The following RBM47 variants were observed in gnomAD, a reference collection of about 807,000 sequenced individuals.
RBM47 encodes RNA binding motif protein 47.
RBM47 carries 21 observed loss-of-function variants against 47.1 expected under a neutral mutation model. The observed-to-expected ratio is 0.45, with a 90% CI of 0.32 to 0.64. The LOEUF (loss-of-function observed/expected upper bound fraction) is 0.64. Among genes scored for constraint, RBM47 ranks in the 30% least tolerant of loss-of-function variants. The pLI is 0.05. For missense variants in RBM47, 708 were observed against 870.9 expected (o/e 0.81, Z 2.35); for synonymous variants, 375 against 361.7 (o/e 1.04, Z -0.42).
chr4:40,474,691 T>C (rs772793530), intron 2 of RBM47, among the ~76,000 whole-genome samples: 32 of 152,216 alleles, frequency 2.1e-4, no homozygotes, highest in Admixed American at 1.5e-3. Flanking sequence ...TATTACCTAA[T>C]CTCTGTTATA....
intron 3 of RBM47, among the ~76,000 whole-genome samples, chr4:40,453,374 G>T (rs1167274198): frequency 6.6e-6 from 1 of 152,108 alleles, no homozygotes; most frequent in East Asian, 1.9e-4. Flanking sequence ...CAGACTTCAG[G>T]GAATAAGCCA....
chr4:40,579,423 G>GAAAAAA (rs10653342), intron 1 of RBM47, among the ~76,000 whole-genome samples: 1,959 of 101,882 alleles, frequency 0.019, 122 homozygotes, highest in Middle Eastern at 0.043. Context: ...CCCTGTCTCA[G>GAAAAAA]AAAAAAAAAA....
At position 40,566,076 on chromosome 4, in the gene RBM47, C is replaced by CA. The variant is rs1009694378; in HGVS notation, c.-239-21571dup. 7.0e-4 allele frequency among the ~76,000 whole-genome samples: 102 copies of CA among 145,034 alleles called. 1 individual carries two copies. The highest frequency in any genetic ancestry group is 2.8e-3 in the East Asian group (14 of 4,960). Reference sequence around the variant, plus strand: ...GAGCAAGACCCTGTCTCAACAACAACAAAAAAAAAAGGAAAAAGATGGACA... The same window carrying CA: ...GAGCAAGACCCTGTCTCAACAACAACAAAAAAAAAAAGGAAAAAGATGGACA... On this transcript the variant is annotated intron_variant, in intron 1 of 6. Transcript: ENST00000295971.
chr4:40,462,011 A>G (rs562259974), intron 3 of RBM47, among the ~76,000 whole-genome samples: 2 of 152,312 alleles, frequency 1.3e-5, no homozygotes, highest in African/African-American at 4.8e-5. Context: ...AAGCATTCCA[A>G]TGTTGAGAGC....
chr4:40,495,823 A>C (rs1722487859), intron 2 of RBM47, among the ~76,000 whole-genome samples: 1 of 60,446 alleles, frequency 1.7e-5, no homozygotes, highest in South Asian at 3.7e-4. Flanking sequence ...AAAAGTGGTC[A>C]CATTGTGCGC....
In RBM47 at chr4:40,423,691, TCTTTCTTTC is replaced by T. The variant is rs1486526188; in HGVS notation, c.*2204_*2212del. 9.5e-6 allele frequency: 1 copy of T among 105,768 alleles called. No individual in the cohort carries two copies. Among genetic ancestry groups the T allele is most frequent in the Non-Finnish European group, 1.8e-5 (1 of 56,548 alleles). The allele number at this position is 105,768 out of a possible 1,614,324, so 6.6% of individuals were successfully genotyped here. A position where few individuals can be genotyped will look rare whatever the true frequency, so the allele number is the denominator to read the frequency against. The stretch of plus-strand genomic sequence containing the variant: ...TTCTTTCTTTCTTTCTTTCTTTCTT[TCTTTCTTTC>T]TTTCTTTCTTTCTTTTCTTTCTTTT... On this transcript the variant is annotated 3_prime_UTR_variant, in exon 7 of 7. Coordinates refer to ENST00000295971, the MANE Select transcript of RBM47 (RefSeq NM_001098634.2).
At chr4:40,503,723 GAGA>G (rs1221029246) in intron 2 of RBM47, among the ~76,000 whole-genome samples, 2 of 152,004 alleles carry the variant, frequency 1.3e-5, no homozygotes, top group African/African-American at 4.8e-5. Flanking sequence ...AGAGGGGGGA[GAGA>G]AGAATATATG....
rs1393353778 is a variant in RBM47, at chr4:40,437,898, C to G, written c.996G>C (p.Arg332Ser). 2 of 1,613,990 alleles carry G rather than the reference C, an allele frequency of 1.2e-6. No homozygotes were observed. The highest frequency in any genetic ancestry group is 1.7e-6 in the Non-Finnish European group (2 of 1,180,018). Residue 332 changes from arginine (R) to serine (S), a missense_variant, in exon 4 of 7, where the codon AGG (arginine) becomes AGC (serine). By Grantham distance (110) the Arg-to-Ser change is moderately radical. Coordinates refer to ENST00000295971, the MANE Select transcript of RBM47 (RefSeq NM_001098634.2). ...EQYSRYQKAA[R>S]GGGAAEAAQQ... ...GCGCTGCCTCAGCCGCGCCGCCGCC[C>G]CTGGCTGCCTTCTGGTAGCGCGAGT...
intron 3 of RBM47, among the ~76,000 whole-genome samples, chr4:40,457,736 AG>A (rs1413633013): frequency 6.6e-6 from 1 of 152,192 alleles, no homozygotes; most frequent in Non-Finnish European, 1.5e-5. Flanking sequence ...TGCCCAGCCA[AG>A]GGTATTTTTC....
At chr4:40,505,828 G>A (rs866502094) in intron 2 of RBM47, among the ~76,000 whole-genome samples, 7 of 151,956 alleles carry the variant, frequency 4.6e-5, no homozygotes, top group Admixed American at 2.0e-4. Context: ...GGAAGCAGAC[G>A]TTGCAGTGAG....
At chr4:40,617,334 G>A (rs968334766) in intron 1 of RBM47, among the ~76,000 whole-genome samples, 3 of 151,938 alleles carry the variant, frequency 2.0e-5, no homozygotes, top group Non-Finnish European at 2.9e-5. Context: ...CGAGGCAGGC[G>A]GATCACAAGG....
intron 4 of RBM47, among the ~76,000 whole-genome samples, chr4:40,437,219 G>C (rs943443121): frequency 2.2e-5 from 3 of 136,444 alleles, no homozygotes; most frequent in Admixed American, 1.5e-4. Flanking sequence ...AGTTAGCTTT[G>C]GAAGGGGATT....
intron 1 of RBM47, among the ~76,000 whole-genome samples, chr4:40,565,896 C>T (rs1287538359): frequency 6.6e-6 from 1 of 151,942 alleles, no homozygotes; most frequent in African/African-American, 2.4e-5. Context: ...TAGGGAGACC[C>T]TGTCTCTACA....
intron 1 of RBM47, among the ~76,000 whole-genome samples, chr4:40,619,306 T>C (rs1279617714): frequency 6.6e-6 from 1 of 152,178 alleles, no homozygotes; most frequent in African/African-American, 2.4e-5. Context: ...TGTGTGCCTG[T>C]AGTCCCAGCT....
intron 2 of RBM47, chr4:40,515,961 C>T (rs1192510513): frequency 1.3e-5 from 2 of 152,268 alleles, no homozygotes; most frequent in Non-Finnish European, 2.9e-5. Flanking sequence ...CCTCACTCCT[C>T]CTGGGTCTGA....
At position 40,595,386 on chromosome 4, in the gene RBM47, C is replaced by T. The variant is rs563960128; in HGVS notation, c.-240+34010G>A. ...GCAGGTGCCTGTAATTCCAGCTACTCGGGAGGCTGAGGCAAGACAACTGCT... is the reference window on the plus strand; with the variant it reads ...GCAGGTGCCTGTAATTCCAGCTACTTGGGAGGCTGAGGCAAGACAACTGCT... On this transcript the variant is annotated intron_variant, in intron 1 of 6. Coordinates refer to ENST00000295971, the MANE Select transcript of RBM47 (RefSeq NM_001098634.2). Among the ~76,000 whole-genome samples, 8 of 151,772 alleles carry T rather than the reference C, an allele frequency of 5.3e-5. No homozygotes were observed. In the South Asian group the frequency reaches 6.3e-4, roughly 12 times the overall value.
At chr4:40,455,041 A>G (rs879346753) in intron 3 of RBM47, among the ~76,000 whole-genome samples, 9 of 152,160 alleles carry the variant, frequency 5.9e-5, no homozygotes, top group Non-Finnish European at 2.9e-5. Context: ...ACACATGGTA[A>G]AGTTGTTGGG....
At chr4:40,615,424 C>T (rs1386170123) in intron 1 of RBM47, among the ~76,000 whole-genome samples, 1 of 152,140 alleles carries the variant, frequency 6.6e-6, no homozygotes, top group Non-Finnish European at 1.5e-5. Context: ...GCCTGGATGA[C>T]AAAAGTAAGT....
At chr4:40,496,233 G>A (rs1400880507) in intron 2 of RBM47, among the ~76,000 whole-genome samples, 1 of 152,034 alleles carries the variant, frequency 6.6e-6, no homozygotes, top group Non-Finnish European at 1.5e-5. Context: ...TTATGCAGTG[G>A]CTCACTCACA....
Sources: gnomAD v4.1 joint callset for allele counts (sites outside exome capture counted in the v4.1 genomes callset) on GRCh38, gnomAD v4.1.1 for gene constraint, MANE v1.5 for transcripts, NCBI Gene and HGNC (gene_info 2026-07-23, HGNC 2026-07-21) for gene names.